Variants in ADAMTS3 observed in about 807,000 individuals in gnomAD.
ADAMTS3 encodes A disintegrin and metalloproteinase with thrombospondin motifs 3.
Under a neutral mutation model 129.0 loss-of-function variants are expected in ADAMTS3, and 73 were observed. That is an observed-to-expected ratio of 0.57 (90% CI 0.47 to 0.69). ADAMTS3 has a LOEUF of 0.69. ADAMTS3 is among the 30% of genes least tolerant of loss of function. The pLI is 0.00. For missense variants in ADAMTS3, 1,457 were observed against 1,514.5 expected (o/e 0.96, Z 0.63); for synonymous variants, 477 against 510.8 (o/e 0.93, Z 0.89).
At chr4:72,378,883 T>C (rs988344255) in intron 4 of ADAMTS3, among the ~76,000 whole-genome samples, 1 of 152,154 alleles carries the variant, frequency 6.6e-6, no homozygotes, top group Non-Finnish European at 1.5e-5. Flanking sequence ...TCCTAAACTT[T>C]TTCTCTTTCA....
rs573988419 is a variant in ADAMTS3 at position 72,312,060 on chromosome 4, C to T, written c.1921+231G>A. On this transcript the variant is annotated intron_variant, in intron 13 of 21. Transcript: ENST00000286657. ...AGGCGTTCCTTTCCACTGGTCTTTT[C>T]ACCGCTGATGGTGATAGTGCTGCTT... The T allele has an allele frequency of 1.6e-5, 7 of 440,460 alleles. No individual in the cohort carries two copies. In the South Asian group the frequency reaches 3.7e-4, roughly 23 times the overall value. 27.3% of individuals were successfully genotyped at this position (440,460 alleles called of 1,614,324 possible).
chr4:72,473,519 A>G (rs1202311412), intron 3 of ADAMTS3, among the ~76,000 whole-genome samples: 1 of 151,866 alleles, frequency 6.6e-6, no homozygotes, highest in African/African-American at 2.4e-5. Flanking sequence ...AAACATTTAG[A>G]CACTAACAGT....
chr4:72,538,962 T>G (rs1324810112), intron 3 of ADAMTS3, among the ~76,000 whole-genome samples: 1 of 152,042 alleles, frequency 6.6e-6, no homozygotes, highest in Non-Finnish European at 1.5e-5. Context: ...GATATCCACA[T>G]GCCCAAAGCA....
chr4:72,432,502 C>T (rs1231886517), intron 3 of ADAMTS3, among the ~76,000 whole-genome samples: 5 of 151,896 alleles, frequency 3.3e-5, no homozygotes, highest in Non-Finnish European at 7.4e-5. Context: ...TATCACCGCC[C>T]ACACTTCTGT....
intron 4 of ADAMTS3, among the ~76,000 whole-genome samples, chr4:72,361,308 C>T (rs1720721757): frequency 1.3e-5 from 2 of 152,004 alleles, no homozygotes; most frequent in African/African-American, 2.4e-5. Context: ...TAATGTATTA[C>T]AAATTATTTT....
intron 4 of ADAMTS3, among the ~76,000 whole-genome samples, chr4:72,361,430 A>G (rs1720724604): frequency 6.6e-6 from 1 of 152,180 alleles, no homozygotes; most frequent in Non-Finnish European, 1.5e-5. Flanking sequence ...CAATAATATC[A>G]AATTCTTAAA....
intron 3 of ADAMTS3, among the ~76,000 whole-genome samples, chr4:72,537,227 T>C (rs1280064635): frequency 6.6e-6 from 1 of 152,126 alleles, no homozygotes; most frequent in Non-Finnish European, 1.5e-5. Context: ...CAGGAGCAAA[T>C]GTGGGCAAAA....
chr4:72,396,356 TA>T (rs969329372), intron 4 of ADAMTS3, among the ~76,000 whole-genome samples: 5 of 151,902 alleles, frequency 3.3e-5, no homozygotes, highest in African/African-American at 1.2e-4. Flanking sequence ...AATTAAGAAT[TA>T]AAAACATGAA....
intron 4 of ADAMTS3, among the ~76,000 whole-genome samples, chr4:72,402,785 G>A (rs542138392): frequency 4.6e-5 from 7 of 152,236 alleles, no homozygotes; most frequent in Admixed American, 3.9e-4. Context: ...TCTAAGAAAT[G>A]TAACACAGTT....
intron 1 of ADAMTS3, among the ~76,000 whole-genome samples, chr4:72,568,275 C>T (rs1722072552): frequency 6.6e-6 from 1 of 152,158 alleles, no homozygotes; most frequent in African/African-American, 2.4e-5. Flanking sequence ...GAGAAAGCTC[C>T]AGGAACCCGA....
rs1451304404 is a variant in ADAMTS3, at chr4:72,530,785, TAC to T, written c.504+17691_504+17692del. Among the ~76,000 whole-genome samples the T allele has an allele frequency of 5.5e-4, 53 of 96,212 alleles. 1 individual carries two copies. Among genetic ancestry groups the T allele is most frequent in the Non-Finnish European group, 6.6e-4 (34 of 51,898 alleles). The allele number at this position is 96,212 out of a possible 152,430, so 63.1% of individuals were successfully genotyped here. On this transcript the variant is annotated intron_variant, in intron 3 of 21. Transcript: ENST00000286657. ...TATATAGATTATATATATTATATTA[TAC>T]ATTATATATTATATATATTATATAT...
Position 72,507,212 on chromosome 4 carries a change from T to C in ADAMTS3, c.504+41266A>G, listed in dbSNP as rs1720185793. Among the ~76,000 whole-genome samples the C allele has an allele frequency of 2.0e-5, 3 of 152,236 alleles. No individual in the cohort carries two copies. In the South Asian group the frequency reaches 6.2e-4, roughly 31 times the overall value. ...AGAACTACAAAGCACCATCACTGTCTGTGGCAGGTCCATTATATATGCCTG... is the reference window on the plus strand; with the variant it reads ...AGAACTACAAAGCACCATCACTGTCCGTGGCAGGTCCATTATATATGCCTG... On this transcript the variant is annotated intron_variant, in intron 3 of 21. Transcript: ENST00000286657.
intron 3 of ADAMTS3, among the ~76,000 whole-genome samples, chr4:72,544,953 A>G (rs545697717): frequency 2.0e-5 from 3 of 152,270 alleles, no homozygotes; most frequent in East Asian, 1.9e-4. Flanking sequence ...GGGAAAAACT[A>G]TAATCAAATT....
At chr4:72,404,975 A>T (rs1308079674) in intron 4 of ADAMTS3, among the ~76,000 whole-genome samples, 1 of 152,136 alleles carries the variant, frequency 6.6e-6, no homozygotes, top group Non-Finnish European at 1.5e-5. Flanking sequence ...TAATCAGGGA[A>T]ATAACAATCA....
chr4:72,288,039 TA>T (rs1188639020), intron 21 of ADAMTS3, among the ~76,000 whole-genome samples: 4 of 152,140 alleles, frequency 2.6e-5, no homozygotes, highest in Admixed American at 2.6e-4. Flanking sequence ...CTAATTTTTG[TA>T]TTTTTAGTAG....
intron 4 of ADAMTS3, among the ~76,000 whole-genome samples, chr4:72,372,149 T>G (rs1027895244): frequency 5.3e-5 from 8 of 152,068 alleles, no homozygotes; most frequent in African/African-American, 1.4e-4. Flanking sequence ...ATGCCTACAT[T>G]GTGAAAAGAA....
intron 3 of ADAMTS3, among the ~76,000 whole-genome samples, chr4:72,519,161 T>C (rs1720585005): frequency 6.6e-6 from 1 of 152,170 alleles, no homozygotes; most frequent in Non-Finnish European, 1.5e-5. Context: ...TGTTGAATAT[T>C]GGCCCCCACT....
chr4:72,401,342 G>T (rs1309862847), intron 4 of ADAMTS3, among the ~76,000 whole-genome samples: 2 of 151,774 alleles, frequency 1.3e-5, no homozygotes, highest in Non-Finnish European at 2.9e-5. Flanking sequence ...TGAGGTGGGT[G>T]GATCACCTGA....
At chr4:72,334,479 A>G (rs76134066) in intron 5 of ADAMTS3, among the ~76,000 whole-genome samples, 4,824 of 152,232 alleles carry the variant, frequency 0.032, 264 homozygotes, top group African/African-American at 0.11. Flanking sequence ...CTATTAGAGG[A>G]CTGCTCCTGT....
Sources: gnomAD v4.1 joint callset for allele counts (sites outside exome capture counted in the v4.1 genomes callset) on GRCh38, gnomAD v4.1.1 for gene constraint, MANE v1.5 for transcripts, NCBI Gene and HGNC (gene_info 2026-07-23, HGNC 2026-07-21) for gene names.